Variants in NOC3L observed in about 807,000 individuals in gnomAD.
The protein encoded by NOC3L is NOC3 like DNA replication regulator.
Under a neutral mutation model 102.5 loss-of-function variants are expected in NOC3L, and 85 were observed. The ratio of observed to expected loss-of-function variants is 0.83; its 90% CI spans 0.70 to 0.99. The LOEUF (loss-of-function observed/expected upper bound fraction) is 0.99, where lower values mean the gene tolerates loss of function less well. Among genes scored for constraint, NOC3L ranks in the 50% least tolerant of loss-of-function variants. The pLI is 0.00. For missense variants in NOC3L, 878 were observed against 914.9 expected, an observed-to-expected ratio of 0.96 and a Z score of 0.52; for synonymous variants, 303 against 309.4, an observed-to-expected ratio of 0.98 and a Z score of 0.22.
At chr10:94,338,864 C>A (rs2054250851) in intron 17 of NOC3L, 128 bp from the exon 18 acceptor site, 2 of 667,944 alleles carry the variant, frequency 3.0e-6, no homozygotes, top group South Asian at 1.3e-4. Flanking sequence ...AGTCTTTACA[C>A]CTAGATTTAA....
intron 13 of NOC3L, among the ~76,000 whole-genome samples, chr10:94,343,041 G>A (rs1010121147): frequency 6.0e-5 from 9 of 149,832 alleles, no homozygotes; most frequent in Admixed American, 4.0e-4. Context: ...CTCAGATTAC[G>A]TCACTGCAAC....
intron 11 of NOC3L, 21 bp downstream of exon 11, chr10:94,346,404 A>G (rs2054343519): frequency 8.3e-6 from 12 of 1,449,172 alleles, no homozygotes; most frequent in African/African-American, 1.5e-5. Context: ...TAAATGAAAC[A>G]AAAGGGGAAA....
At chr10:94,315,075 A>G in the NOC3L span, 1 of 233,700 alleles carries the variant, frequency 4.3e-6, no homozygotes, top group Non-Finnish European at 8.5e-6. Flanking sequence ...AGGACTGAGC[A>G]GGGGGTGATG....
At chr10:94,350,716 CAAAAAAAAAAAA>C (rs201167962) in intron 8 of NOC3L, among the ~76,000 whole-genome samples, 1 of 62,626 alleles carries the variant, frequency 1.6e-5, no homozygotes, top group Admixed American at 1.9e-4. Context: ...GACATCGTCT[CAAAAAAAAAAAA>C]AAAAAAGAAG....
intron 2 of NOC3L, among the ~76,000 whole-genome samples, chr10:94,358,985 C>CT (rs1384572996): frequency 6.6e-6 from 1 of 151,788 alleles, no homozygotes; most frequent in East Asian, 1.9e-4. Flanking sequence ...GTCTTGCTCT[C>CT]TTTCTCCATC....
At position 94,334,001 on chromosome 10, in the gene NOC3L, T is replaced by C. The variant is rs1404471298; in HGVS notation, c.*176A>G. On this transcript the variant is annotated 3_prime_UTR_variant, in exon 21 of 21. Transcript: ENST00000371361. ...TTTTGATCTCCTTGATGGAATGACATATTCAGAATAGGGGCAGAACCCTGT... is the reference window on the plus strand; with the variant it reads ...TTTTGATCTCCTTGATGGAATGACACATTCAGAATAGGGGCAGAACCCTGT... The C allele has an allele frequency of 5.0e-6, 2 of 403,920 alleles. No homozygotes were observed. The highest frequency in any genetic ancestry group is 4.1e-5 in the African/African-American group (2 of 48,610). 25.0% of individuals were successfully genotyped at this position (403,920 alleles called of 1,614,324 possible). A position where few individuals can be genotyped will look rare whatever the true frequency, so the allele number is the denominator to read the frequency against.
intron 2 of NOC3L, 22 bp from the exon 3 acceptor site, chr10:94,358,237 A>G: frequency 1.6e-6 from 2 of 1,223,148 alleles, no homozygotes; most frequent in South Asian, 1.2e-5. Flanking sequence ...ACACACACAC[A>G]CAAAGAAAAA....
At chr10:94,324,659 G>T in the NOC3L span, 2 of 1,138,142 alleles carry the variant, frequency 1.8e-6, no homozygotes, top group Non-Finnish European at 2.6e-6. Context: ...AAATTTAGGA[G>T]AAAGTTCCTG....
In NOC3L at chr10:94,362,923, GA is replaced by G. The variant is rs2054568770; in HGVS notation, c.-86del. ...AATCCCGGGGAATGACACACGTGCC[GA>G]AGTCCCTACACTACCAGAGCCGGAA... On this transcript the variant is annotated 5_prime_UTR_variant, in exon 1 of 21. Coordinates refer to ENST00000371361, the MANE Select transcript of NOC3L (RefSeq NM_022451.11). 6.2e-7 allele frequency: 1 copy of G among 1,605,650 alleles called. No homozygotes were observed. The highest frequency in any genetic ancestry group is 1.7e-5 in the Admixed American group (1 of 59,976).
intron 14 of NOC3L, among the ~76,000 whole-genome samples, chr10:94,341,431 T>A (rs570763661): frequency 1.7e-4 from 24 of 139,896 alleles, no homozygotes; most frequent in African/African-American, 4.2e-4. Context: ...TGCATCAATT[T>A]AAAAAAAAAA....
intron 5 of NOC3L, among the ~76,000 whole-genome samples, chr10:94,355,638 C>T (rs148776158): frequency 0.011 from 1,705 of 152,240 alleles, 16 homozygotes; most frequent in East Asian, 0.03. Context: ...ATCCTCCCAC[C>T]TCAGCATCCC....
At chr10:94,359,493 A>C (rs1369872598) in intron 2 of NOC3L, among the ~76,000 whole-genome samples, 1 of 152,086 alleles carries the variant, frequency 6.6e-6, no homozygotes, top group Non-Finnish European at 1.5e-5. Context: ...CTTGCTATAT[A>C]AATGTACACA....
chr10:94,359,545 TA>T (rs1333113015), intron 2 of NOC3L, among the ~76,000 whole-genome samples: 2 of 151,972 alleles, frequency 1.3e-5, no homozygotes, highest in Non-Finnish European at 2.9e-5. Context: ...ATGAGCCTTC[TA>T]AATTTAATAA....
the NOC3L span, chr10:94,315,515 T>TC: frequency 2.2e-6 from 1 of 455,994 alleles, no homozygotes; most frequent in Non-Finnish European, 4.4e-6. Flanking sequence ...ATGCCTGTAA[T>TC]CCCGGCACTT....
intron 15 of NOC3L, 35 bp downstream of exon 15, chr10:94,340,398 A>G (rs745504747): frequency 1.2e-5 from 20 of 1,609,698 alleles, no homozygotes; most frequent in Non-Finnish European, 1.6e-5. Flanking sequence ...ATTCAAAGGT[A>G]AGGCAAACAA....
intron 11 of NOC3L, 44 bp from the exon 12 acceptor site, chr10:94,344,977 A>G: frequency 7.1e-7 from 1 of 1,415,216 alleles, no homozygotes; most frequent in Non-Finnish European, 9.8e-7. Context: ...CATATACCAC[A>G]GAGTGAAAAA....
chr10:94,340,238 A>C (rs2054266385), intron 16 of NOC3L, 38 bp downstream of exon 16: 1 of 1,500,916 alleles, frequency 6.7e-7, no homozygotes, highest in African/African-American at 1.4e-5. Context: ...CTTAAAACAT[A>C]AATACATATA....
In NOC3L at chr10:94,341,830, T is replaced by G. The variant is rs1221411126; in HGVS notation, c.1572-85A>C. 17 of 696,644 alleles carry G rather than the reference T, an allele frequency of 2.4e-5. No individual in the cohort carries two copies. The East Asian group carries it at 4.9e-4, about 20-fold the overall frequency. 43.2% of individuals were successfully genotyped at this position (696,644 alleles called of 1,614,324 possible). ...TTAAGCTTGACTTTAAAACTGTATT[T>G]TTAATATTCTTTATTTCGAAATGTT... On this transcript the variant is annotated intron_variant, in intron 13 of 20. Coordinates refer to ENST00000371361, the MANE Select transcript of NOC3L (RefSeq NM_022451.11).
intron 13 of NOC3L, 74 bp downstream of exon 13, chr10:94,344,341 G>T: frequency 1.1e-6 from 1 of 879,422 alleles, no homozygotes; most frequent in South Asian, 1.7e-5. Flanking sequence ...GCCATCATTA[G>T]GGAACTCTCG....
Sources: allele counts gnomAD v4.1 joint callset (sites outside exome capture counted in the v4.1 genomes callset), GRCh38; gene constraint gnomAD v4.1.1; transcripts MANE v1.5; gene names NCBI Gene and HGNC (gene_info 2026-07-23, HGNC 2026-07-21).